The following TENM3 variants were observed in gnomAD, a reference collection of about 807,000 sequenced individuals.
TENM3 encodes teneurin-3.
Under a neutral mutation model 255.1 loss-of-function variants are expected in TENM3, and 63 were observed. That is an observed-to-expected ratio of 0.25 (90% CI 0.20 to 0.30). The LOEUF (loss-of-function observed/expected upper bound fraction) is 0.30, where lower values mean the gene tolerates loss of function less well. TENM3 is among the 10% of genes least tolerant of loss of function. The pLI is 1.00. For synonymous variants in TENM3, 1,306 were observed against 1,322.3 expected (o/e 0.99, Z 0.27); for missense variants, 2,929 against 3,461.1 (o/e 0.85, Z 3.86).
At chr4:182,377,354 C>T (rs1767246963) in intron 3 of TENM3, among the ~76,000 whole-genome samples, 1 of 152,142 alleles carries the variant, frequency 6.6e-6, no homozygotes, top group Admixed American at 6.5e-5. Flanking sequence ...TGCTCTGTCA[C>T]CCAGGCTGGA....
the TENM3 span, among the ~76,000 whole-genome samples, chr4:181,508,158 A>G: frequency 1.1e-4 from 16 of 152,310 alleles, no homozygotes; most frequent in African/African-American, 3.8e-4. Context: ...GCTTACTCCC[A>G]TGATTCAGCT....
the TENM3 span, among the ~76,000 whole-genome samples, chr4:181,777,323 A>C: frequency 6.6e-6 from 1 of 152,088 alleles, no homozygotes; most frequent in South Asian, 2.1e-4. Context: ...CATTATAACA[A>C]ATTTTGAAGT....
At chr4:182,625,631 T>C (rs568372267) in intron 4 of TENM3, among the ~76,000 whole-genome samples, 14 of 152,324 alleles carry the variant, frequency 9.2e-5, no homozygotes, top group African/African-American at 3.4e-4. Flanking sequence ...TTGGCAAAGA[T>C]GATCATTTGG....
At chr4:182,708,001 CTTT>C (rs886080725) in intron 12 of TENM3, 2 of 124,122 alleles carry the variant, frequency 1.6e-5, no homozygotes, top group Non-Finnish European at 3.4e-5. Flanking sequence ...TTTTTTTTTT[CTTT>C]TTTTTTCTAA....
the TENM3 span, among the ~76,000 whole-genome samples, chr4:181,714,440 G>T: frequency 3.3e-5 from 5 of 152,128 alleles, no homozygotes; most frequent in African/African-American, 1.2e-4. Context: ...GACAGAGCAA[G>T]ATGCTATCTC....
chr4:182,304,750 T>C (rs1230910459), intron 1 of TENM3, among the ~76,000 whole-genome samples: 1 of 152,112 alleles, frequency 6.6e-6, no homozygotes, highest in Non-Finnish European at 1.5e-5. Flanking sequence ...TCGTGTCCAA[T>C]AGAGAGTTGA....
intron 3 of TENM3, among the ~76,000 whole-genome samples, chr4:182,410,389 G>A (rs1008270523): frequency 5.9e-5 from 9 of 152,304 alleles, no homozygotes; most frequent in Admixed American, 2.0e-4. Flanking sequence ...ATGCCTGGAC[G>A]CATGGCCCAC....
the TENM3 span, among the ~76,000 whole-genome samples, chr4:182,072,653 A>G: frequency 2.0e-5 from 3 of 152,178 alleles, no homozygotes; most frequent in African/African-American, 7.2e-5. Flanking sequence ...TCTTTTTCTC[A>G]TCAAACGTAT....
chr4:182,023,739 A>G, the TENM3 span, among the ~76,000 whole-genome samples: 1 of 152,246 alleles, frequency 6.6e-6, no homozygotes, highest in Non-Finnish European at 1.5e-5. Context: ...AATATACCAC[A>G]AAGGAAGTTT....
the TENM3 span, among the ~76,000 whole-genome samples, chr4:181,709,949 G>A: frequency 1.3e-5 from 2 of 152,134 alleles, no homozygotes; most frequent in Non-Finnish European, 2.9e-5. Context: ...AAGAAGAAGT[G>A]TATTTGAGGT....
Position 182,680,574 on chromosome 4 carries a change from G to A in TENM3, c.1671G>A (p.Gly557=). ...AACPVLCSGN[G]QYSKGRCLCF... ...GTCCAGTGTTATGTAGTGGCAACGG[G>A]CAGTACTCCAAGGGCCGCTGCCTGT... is the stretch of plus-strand genomic sequence containing the variant. Residue 557 remains glycine, a synonymous_variant, in exon 10 of 28, where the codon GGG becomes GGA. Transcript: ENST00000511685. 1 of 1,613,748 alleles carries A rather than the reference G, an allele frequency of 6.2e-7. No individual in the cohort carries two copies. Among genetic ancestry groups the A allele is most frequent in the Non-Finnish European group, 8.5e-7 (1 of 1,179,846 alleles).
Position 182,774,575 on chromosome 4 carries a change from G to A in TENM3, c.5069-343G>A, listed in dbSNP as rs559278048. 9.8e-5 allele frequency among the ~76,000 whole-genome samples: 15 copies of A among 152,302 alleles called. No individual in the cohort carries two copies. In the South Asian group the frequency reaches 1.2e-3, roughly 13 times the overall value. On this transcript the variant is annotated intron_variant, in intron 23 of 27. Coordinates refer to ENST00000511685, the MANE Select transcript of TENM3 (RefSeq NM_001080477.4). ...CCAAGACCTTGGAGGTGTGTACACCGCGCTCCTGAGAGATCACATATGTGC... is the reference window on the plus strand; with the variant it reads ...CCAAGACCTTGGAGGTGTGTACACCACGCTCCTGAGAGATCACATATGTGC...
At chr4:182,560,656 C>T (rs991884348) in intron 3 of TENM3, among the ~76,000 whole-genome samples, 1 of 152,162 alleles carries the variant, frequency 6.6e-6, no homozygotes, top group African/African-American at 2.4e-5. Context: ...ATAAAACCGA[C>T]AAGTATCACA....
chr4:182,206,412 C>T (rs1425017486), intron 1 of TENM3, among the ~76,000 whole-genome samples: 2 of 152,164 alleles, frequency 1.3e-5, no homozygotes, highest in African/African-American at 4.8e-5. Flanking sequence ...CTGTTATGGG[C>T]CAGGGGGCTG....
chr4:181,974,547 A>G, the TENM3 span, among the ~76,000 whole-genome samples: 7,802 of 151,984 alleles, frequency 0.051, 329 homozygotes, highest in Non-Finnish European at 0.078. Flanking sequence ...CAGCCTGGGC[A>G]ACAGAGCGAG....
At chr4:181,570,237 G>A in the TENM3 span, among the ~76,000 whole-genome samples, 1 of 151,820 alleles carries the variant, frequency 6.6e-6, no homozygotes, top group Non-Finnish European at 1.5e-5. Flanking sequence ...AGTAGAGACG[G>A]GGTTTCACCT....
At chr4:181,696,292 G>A in the TENM3 span, among the ~76,000 whole-genome samples, 17 of 152,016 alleles carry the variant, frequency 1.1e-4, no homozygotes, top group Admixed American at 9.2e-4. Flanking sequence ...AAGGCAACAC[G>A]GCTTTCCATT....
At chr4:182,531,883 G>T (rs776202164) in intron 3 of TENM3, among the ~76,000 whole-genome samples, 1 of 152,200 alleles carries the variant, frequency 6.6e-6, no homozygotes, top group Non-Finnish European at 1.5e-5. Flanking sequence ...TAAACATGGT[G>T]AGCTGCTCTC....
chr4:181,841,605 T>G, the TENM3 span, among the ~76,000 whole-genome samples: 1 of 152,206 alleles, frequency 6.6e-6, no homozygotes, highest in Admixed American at 6.5e-5. Context: ...TCTTCTGACA[T>G]TTCAGTTTTC....
Sources: allele counts gnomAD v4.1 joint callset (sites outside exome capture counted in the v4.1 genomes callset), GRCh38; gene constraint gnomAD v4.1.1; transcripts MANE v1.5; gene names NCBI Gene and HGNC (gene_info 2026-07-23, HGNC 2026-07-21).